Variants in APOO observed in about 807,000 individuals in gnomAD.
APOO encodes MICOS complex subunit MIC26.
Under a neutral mutation model 23.1 loss-of-function variants are expected in APOO, and 11 were observed. The ratio of observed to expected loss-of-function variants is 0.48; its 90% CI spans 0.30 to 0.79. The LOEUF (loss-of-function observed/expected upper bound fraction) is 0.79. Ranked by LOEUF, APOO falls within the 30% of genes least tolerant of loss-of-function variation. The pLI is 0.07. For missense variants in APOO, 160 were observed against 142.7 expected, an observed-to-expected ratio of 1.12 and a Z score of -0.62; for synonymous variants, 59 against 54.8, an observed-to-expected ratio of 1.08 and a Z score of -0.34.
chrX:23,862,678 T>C, intron 5 of APOO, among the ~76,000 whole-genome samples: 1 of 103,239 alleles, frequency 9.7e-6, no homozygotes. Flanking sequence ...GAGGCTGAGA[T>C]GGGAGGATTG....
intron 7 of APOO, among the ~76,000 whole-genome samples, chrX:23,854,302 CGT>C (rs1491430099): frequency 9.0e-6 from 1 of 111,727 alleles, no homozygotes; most frequent in Non-Finnish European, 1.9e-5. Flanking sequence ...CTTTGGTGTG[CGT>C]GTGTGTCTGC....
At chrX:23,878,264 A>G (rs1000743372) in intron 3 of APOO, among the ~76,000 whole-genome samples, 1 of 112,003 alleles carries the variant, frequency 8.9e-6, no homozygotes, top group African/African-American at 3.2e-5. Context: ...CCTGGTAGAC[A>G]ACAATGTTTT....
intron 4 of APOO, 114 bp from the exon 5 acceptor site, chrX:23,868,802 C>T: frequency 2.3e-6 from 1 of 431,634 alleles, no homozygotes; most frequent in Non-Finnish European, 3.8e-6. Flanking sequence ...TTTCAAACCA[C>T]ATATTCTCTG....
At chrX:23,881,660 C>T (rs1029547917) in intron 1 of APOO, among the ~76,000 whole-genome samples, 10 of 98,732 alleles carry the variant, frequency 1.0e-4, no homozygotes, top group South Asian at 4.8e-4. Context: ...ATGTGCTGGA[C>T]GCAGTGGCTC....
At chrX:23,903,538 T>C (rs1000767421) in intron 1 of APOO, among the ~76,000 whole-genome samples, 4 of 111,651 alleles carry the variant, frequency 3.6e-5, no homozygotes, top group Middle Eastern at 4.2e-3. Context: ...TCTTCTGGTA[T>C]CCTGAAATAA....
chrX:23,849,427 C>G (rs1320914917), intron 7 of APOO, among the ~76,000 whole-genome samples: 1 of 107,609 alleles, frequency 9.3e-6, no homozygotes, highest in Non-Finnish European at 1.9e-5. Flanking sequence ...GCAGGGAGTA[C>G]AGAGAACACG....
chrX:23,849,836 G>A (rs1288880913), intron 7 of APOO, among the ~76,000 whole-genome samples: 1 of 105,993 alleles, frequency 9.4e-6, no homozygotes, highest in Non-Finnish European at 1.9e-5. Context: ...AGGTTGCAGT[G>A]AGCCAACATC....
chrX:23,893,189 G>A (rs988026305), intron 1 of APOO, among the ~76,000 whole-genome samples: 8 of 108,519 alleles, frequency 7.4e-5, no homozygotes, highest in African/African-American at 1.7e-4. Flanking sequence ...AGGCCGAAGC[G>A]GGCAGATCAC....
chrX:23,861,053 T>C (rs959055884), intron 5 of APOO, among the ~76,000 whole-genome samples: 9 of 110,478 alleles, frequency 8.1e-5, no homozygotes, highest in African/African-American at 3.0e-4. Context: ...GGCTGGAGGA[T>C]TGCTTGAGCC....
chrX:23,861,011 G>A (rs1354070734), intron 5 of APOO, among the ~76,000 whole-genome samples: 1 of 110,448 alleles, frequency 9.1e-6, no homozygotes, highest in African/African-American at 3.3e-5. Context: ...GTGGTGGCAT[G>A]TGCCTGTGGT....
intron 5 of APOO, among the ~76,000 whole-genome samples, chrX:23,864,788 A>G (rs1475780680): frequency 8.9e-6 from 1 of 111,934 alleles, no homozygotes; most frequent in Non-Finnish European, 1.9e-5. Flanking sequence ...TTGAAAGGGT[A>G]TAATTATCCT....
intron 5 of APOO, among the ~76,000 whole-genome samples, chrX:23,859,209 C>T (rs1217737608): frequency 9.0e-6 from 1 of 111,723 alleles, no homozygotes; most frequent in African/African-American, 3.3e-5. Context: ...TGCACCAAAA[C>T]GCTTTTGCAC....
chrX:23,840,333 T>C lies in APOO; in HGVS notation c.*9A>G. 8.4e-7 allele frequency: 1 copy of C among 1,192,002 alleles called. No homozygotes were observed. Reference sequence around the variant, plus strand: ...TTTACCTGATTAAGATGGCAGAGCATGGAGTTTTCTACTTAGTTCCAGGTG... The same window carrying C: ...TTTACCTGATTAAGATGGCAGAGCACGGAGTTTTCTACTTAGTTCCAGGTG... On this transcript the variant is annotated 3_prime_UTR_variant, in exon 8 of 9. Transcript: ENST00000379226.
At chrX:23,894,810 A>G (rs2147043569) in intron 1 of APOO, among the ~76,000 whole-genome samples, 1 of 110,152 alleles carries the variant, frequency 9.1e-6, no homozygotes, top group East Asian at 2.9e-4. Context: ...AAAAAAAGTA[A>G]AGAAAATCAG....
chrX:23,889,165 ATTGAGT>A (rs897455835), intron 1 of APOO, among the ~76,000 whole-genome samples: 1 of 110,727 alleles, frequency 9.0e-6, no homozygotes, highest in African/African-American at 3.3e-5. Context: ...AAATAAAAAG[ATTGAGT>A]TTATCAGTCA....
chrX:23,900,783 T>C (rs140923711), intron 1 of APOO, among the ~76,000 whole-genome samples: 310 of 111,057 alleles, frequency 2.8e-3, no homozygotes, highest in African/African-American at 9.8e-3. Flanking sequence ...CAGTTTTTTC[T>C]TCGTCTCTGT....
intron 1 of APOO, among the ~76,000 whole-genome samples, chrX:23,902,057 T>C (rs1333891521): frequency 9.0e-6 from 1 of 111,697 alleles, no homozygotes; most frequent in South Asian, 3.6e-4. Flanking sequence ...TCTAAGTCAG[T>C]AGATCTCAAG....
intron 3 of APOO, 129 bp from the exon 4 acceptor site, chrX:23,874,586 A>G: frequency 1.9e-6 from 1 of 540,455 alleles, no homozygotes; most frequent in Non-Finnish European, 3.1e-6. Flanking sequence ...ACAAAGGGAT[A>G]CACTGTCTGT....
chrX:23,889,216 A>C (rs778470684), intron 1 of APOO, among the ~76,000 whole-genome samples: 1 of 111,733 alleles, frequency 8.9e-6, no homozygotes, highest in Non-Finnish European at 1.9e-5. Flanking sequence ...TCTTAGACAC[A>C]GTTTACCAAG....
Sources: allele counts gnomAD v4.1 joint callset (sites outside exome capture counted in the v4.1 genomes callset), GRCh38; gene constraint gnomAD v4.1.1; transcripts MANE v1.5; gene names NCBI Gene and HGNC (gene_info 2026-07-23, HGNC 2026-07-21).